The following TMEM132B variants were observed in gnomAD, a reference collection of about 807,000 sequenced individuals.
TMEM132B encodes transmembrane protein 132B.
In TMEM132B, 18 loss-of-function variants were observed where a neutral mutation model predicts 90.8. The ratio of observed to expected loss-of-function variants is 0.20; its 90% CI spans 0.14 to 0.29. The LOEUF (loss-of-function observed/expected upper bound fraction) is 0.29. TMEM132B is among the 10% of genes least tolerant of loss of function. The pLI, the probability that TMEM132B is intolerant of heterozygous loss-of-function variation, is 1.00. For missense variants in TMEM132B, 1,096 were observed against 1,326.8 expected (o/e 0.83, Z 2.70); for synonymous variants, 504 against 523.3 (o/e 0.96, Z 0.50).
chr12:125,215,018 A>C (rs1873401935), intron 1 of TMEM132B, among the ~76,000 whole-genome samples: 1 of 150,448 alleles, frequency 6.6e-6, no homozygotes, highest in Non-Finnish European at 1.5e-5. Flanking sequence ...CCATAACACC[A>C]CTCTCTCCTT....
intron 2 of TMEM132B, among the ~76,000 whole-genome samples, chr12:125,362,943 C>T (rs1878008028): frequency 6.6e-6 from 1 of 152,138 alleles, no homozygotes; most frequent in African/African-American, 2.4e-5. Context: ...TTTGTATCTG[C>T]TCGAAGAGCT....
At chr12:125,632,369 T>G (rs1721269545) in intron 5 of TMEM132B, among the ~76,000 whole-genome samples, 1 of 152,120 alleles carries the variant, frequency 6.6e-6, no homozygotes, top group South Asian at 2.1e-4. Flanking sequence ...GTTACAGTTA[T>G]TATTTTTGAT....
chr12:125,250,142 C>T (rs1874287764), intron 1 of TMEM132B, among the ~76,000 whole-genome samples: 1 of 152,240 alleles, frequency 6.6e-6, no homozygotes, highest in South Asian at 2.1e-4. Context: ...AGCAGCGTCA[C>T]AGCAGCTGGG....
intron 2 of TMEM132B, among the ~76,000 whole-genome samples, chr12:125,378,696 A>C (rs781063728): frequency 6.6e-6 from 1 of 152,104 alleles, no homozygotes; most frequent in Non-Finnish European, 1.5e-5. Flanking sequence ...GAACTGTGCC[A>C]TGGTCACTTC....
chr12:125,455,951 A>G (rs1335084840), intron 3 of TMEM132B, among the ~76,000 whole-genome samples: 2 of 152,230 alleles, frequency 1.3e-5, no homozygotes, highest in East Asian at 1.9e-4. Context: ...GCCAGATAGT[A>G]AATATTTCTG....
intron 1 of TMEM132B, among the ~76,000 whole-genome samples, chr12:125,315,236 T>C (rs1876234313): frequency 6.6e-6 from 1 of 152,252 alleles, no homozygotes; most frequent in African/African-American, 2.4e-5. Context: ...TCTCGCTCTG[T>C]CACTCAGGCT....
At chr12:125,450,615 A>G (rs372390643) in intron 3 of TMEM132B, among the ~76,000 whole-genome samples, 6 of 152,222 alleles carry the variant, frequency 3.9e-5, no homozygotes, top group East Asian at 1.9e-4. Context: ...TAACATCAGC[A>G]TAAATAAAGA....
At chr12:125,652,730 A>C in intron 8 of TMEM132B, 98 bp downstream of exon 8, 1 of 1,364,498 alleles carries the variant, frequency 7.3e-7, no homozygotes, top group Middle Eastern at 2.7e-4. Context: ...CCTCACGCCT[A>C]GGACTGGGGA....
intron 3 of TMEM132B, among the ~76,000 whole-genome samples, chr12:125,435,424 C>T (rs1880671374): frequency 6.6e-6 from 1 of 151,862 alleles, no homozygotes; most frequent in African/African-American, 2.4e-5. Flanking sequence ...GGGACGGCCC[C>T]CAAGTTTTCT....
chr12:125,249,588 G>A (rs1364899422), intron 1 of TMEM132B, among the ~76,000 whole-genome samples: 1 of 152,230 alleles, frequency 6.6e-6, no homozygotes. Context: ...AATCATCACT[G>A]TGTCATCCAG....
chr12:125,333,608 G>A (rs541179680), intron 1 of TMEM132B, among the ~76,000 whole-genome samples: 4 of 152,274 alleles, frequency 2.6e-5, no homozygotes, highest in East Asian at 3.9e-4. Flanking sequence ...GGAATGGGGC[G>A]ACAGGGAATG....
chr12:125,529,670 G>T (rs963009035), intron 4 of TMEM132B, among the ~76,000 whole-genome samples: 1 of 152,234 alleles, frequency 6.6e-6, no homozygotes, highest in Non-Finnish European at 1.5e-5. Flanking sequence ...GGCCCTTGGG[G>T]TCTGTCCCAG....
At chr12:125,649,233 G>A (rs1019511821) in intron 6 of TMEM132B, among the ~76,000 whole-genome samples, 2 of 152,180 alleles carry the variant, frequency 1.3e-5, no homozygotes, top group Non-Finnish European at 2.9e-5. Flanking sequence ...TAGTAAAGAA[G>A]GTGGGTTTCA....
At chr12:125,428,795 C>T (rs1268957727) in intron 3 of TMEM132B, among the ~76,000 whole-genome samples, 3 of 152,068 alleles carry the variant, frequency 2.0e-5, no homozygotes, top group Non-Finnish European at 4.4e-5. Flanking sequence ...ATTATGTGGC[C>T]AACATCCTAT....
At position 125,330,129 on chromosome 12, in the gene TMEM132B, C is replaced by T. The variant is rs147743958; in HGVS notation, c.68-19323C>T. The stretch of plus-strand genomic sequence containing the variant: ...GATGCGTGTGGTGTGGGTGCGTCCC[C>T]GCTTCCAAATAGAATTTCATATTCT... On this transcript the variant is annotated intron_variant, in intron 1 of 8. Transcript: ENST00000682704. Among the ~76,000 whole-genome samples the T allele has an allele frequency of 8.5e-5, 13 of 152,258 alleles. No homozygotes were observed. In the East Asian group the frequency reaches 1.9e-3, roughly 23 times the overall value.
intron 3 of TMEM132B, among the ~76,000 whole-genome samples, chr12:125,509,519 A>G (rs11058214): frequency 0.17 from 26,330 of 152,108 alleles, 2,592 homozygotes; most frequent in Admixed American, 0.32. Context: ...TAATGTGCAC[A>G]TTTGTGTAAA....
chr12:125,207,727 A>G (rs902171135), intron 1 of TMEM132B, among the ~76,000 whole-genome samples: 1 of 152,206 alleles, frequency 6.6e-6, no homozygotes, highest in African/African-American at 2.4e-5. Context: ...CCCATTAATC[A>G]GTAACTCCCG....
At chr12:125,366,098 A>G (rs1681341718) in intron 2 of TMEM132B, among the ~76,000 whole-genome samples, 1 of 151,612 alleles carries the variant, frequency 6.6e-6, no homozygotes, top group Admixed American at 6.6e-5. Flanking sequence ...TTAAGCTGTC[A>G]TATGTTAGTG....
chr12:125,596,798 A>G (rs747823987), intron 5 of TMEM132B, among the ~76,000 whole-genome samples: 4 of 152,186 alleles, frequency 2.6e-5, no homozygotes. Context: ...ATTTCACACA[A>G]TTTCTTGACA....
Sources: gnomAD v4.1 joint callset for allele counts (sites outside exome capture counted in the v4.1 genomes callset) on GRCh38, gnomAD v4.1.1 for gene constraint, MANE v1.5 for transcripts, NCBI Gene and HGNC (gene_info 2026-07-23, HGNC 2026-07-21) for gene names.